Variants in CCSER1 observed in about 807,000 individuals in gnomAD.
CCSER1 encodes the protein serine-rich coiled-coil domain-containing protein 1.
CCSER1 carries 41 observed loss-of-function variants against 82.0 expected under a neutral mutation model. The ratio of observed to expected loss-of-function variants is 0.50; its 90% CI spans 0.39 to 0.65. The LOEUF is 0.65. Among genes scored for constraint, CCSER1 ranks in the 30% least tolerant of loss-of-function variants. The probability of loss-of-function intolerance (pLI) is 0.00; values close to 1 mark genes in which losing one functional copy is unlikely to be tolerated. For missense variants in CCSER1, 1,119 were observed against 1,064.2 expected (o/e 1.05, Z -0.72); for synonymous variants, 414 against 383.9 (o/e 1.08, Z -0.92).
intron 10 of CCSER1, among the ~76,000 whole-genome samples, chr4:91,210,458 A>G (rs1472983654): frequency 6.6e-6 from 1 of 151,600 alleles, no homozygotes; most frequent in African/African-American, 2.4e-5. Flanking sequence ...TACTATGAAG[A>G]AGTTAATTAA....
At chr4:90,230,799 A>G (rs1157279941) in intron 1 of CCSER1, among the ~76,000 whole-genome samples, 17 of 151,644 alleles carry the variant, frequency 1.1e-4, no homozygotes, top group African/African-American at 2.7e-4. Flanking sequence ...TATCACCACC[A>G]ATCCCACAGA....
At chr4:91,108,008 A>C (rs1725792826) in intron 10 of CCSER1, 1 of 152,216 alleles carries the variant, frequency 6.6e-6, no homozygotes, top group African/African-American at 2.4e-5. Context: ...ATCATTGAAA[A>C]GTTAGCTTCT....
At chr4:90,846,843 T>A (rs889634866) in intron 8 of CCSER1, among the ~76,000 whole-genome samples, 24 of 152,134 alleles carry the variant, frequency 1.6e-4, no homozygotes, top group Non-Finnish European at 2.1e-4. Flanking sequence ...GAGATGGGAT[T>A]TCACCATGTT....
intron 5 of CCSER1, among the ~76,000 whole-genome samples, chr4:90,567,183 A>G (rs1560731801): frequency 6.6e-6 from 1 of 151,744 alleles, no homozygotes; most frequent in African/African-American, 2.4e-5. Context: ...CTGATTTTCA[A>G]CATTTTGTGA....
At chr4:91,371,882 C>T (rs1750077098) in intron 10 of CCSER1, among the ~76,000 whole-genome samples, 1 of 151,884 alleles carries the variant, frequency 6.6e-6, no homozygotes, top group Non-Finnish European at 1.5e-5. Context: ...TTTCTGATCC[C>T]AAGACTTTAT....
intron 1 of CCSER1, among the ~76,000 whole-genome samples, chr4:90,304,902 C>T (rs566029234): frequency 2.2e-4 from 33 of 151,674 alleles, no homozygotes; most frequent in African/African-American, 7.7e-4. Flanking sequence ...CTTTCATTTA[C>T]TGTTGTTGTT....
intron 5 of CCSER1, among the ~76,000 whole-genome samples, chr4:90,551,704 C>CTATATA (rs1242206717): frequency 1.1e-3 from 118 of 107,560 alleles, no homozygotes; most frequent in African/African-American, 2.7e-3. Context: ...CTCTCTCTCT[C>CTATATA]TCTATATATA....
chr4:91,291,165 T>C (rs1743715660), intron 10 of CCSER1, among the ~76,000 whole-genome samples: 1 of 151,886 alleles, frequency 6.6e-6, no homozygotes, highest in Non-Finnish European at 1.5e-5. Flanking sequence ...GTTGGATCCT[T>C]CCTTATTAAA....
chr4:90,322,842 C>G (rs1478558273), intron 3 of CCSER1, among the ~76,000 whole-genome samples: 4 of 152,112 alleles, frequency 2.6e-5, no homozygotes, highest in Non-Finnish European at 5.9e-5. Flanking sequence ...CTTCCATTGC[C>G]ACCACAGCTG....
chr4:90,704,884 T>C (rs1257090964), intron 6 of CCSER1, among the ~76,000 whole-genome samples: 1 of 152,210 alleles, frequency 6.6e-6, no homozygotes, highest in Non-Finnish European at 1.5e-5. Flanking sequence ...TCTAATCTTT[T>C]TTCAAGGTTT....
chr4:91,010,778 C>A (rs1022926723), intron 9 of CCSER1, among the ~76,000 whole-genome samples: 1 of 133,582 alleles, frequency 7.5e-6, no homozygotes, highest in African/African-American at 2.5e-5. Context: ...TTTTTATATC[C>A]ATCTCTTTGC....
At chr4:91,111,078 A>G (rs1726057351) in intron 10 of CCSER1, among the ~76,000 whole-genome samples, 1 of 151,994 alleles carries the variant, frequency 6.6e-6, no homozygotes, top group African/African-American at 2.4e-5. Flanking sequence ...CCATTTTTAA[A>G]TGTGGTTGAA....
chr4:91,295,189 A>C (rs2149225636), intron 10 of CCSER1, among the ~76,000 whole-genome samples: 1 of 152,126 alleles, frequency 6.6e-6, no homozygotes, highest in East Asian at 1.9e-4. Context: ...ATATATGACC[A>C]ATACTACCTT....
At chr4:90,973,288 C>A (rs967998589) in intron 9 of CCSER1, among the ~76,000 whole-genome samples, 1 of 151,602 alleles carries the variant, frequency 6.6e-6, no homozygotes, top group East Asian at 1.9e-4. Flanking sequence ...GGGTGAATAT[C>A]TACAATATAT....
chr4:91,171,615 A>C (rs533587010), intron 10 of CCSER1, among the ~76,000 whole-genome samples: 1 of 152,270 alleles, frequency 6.6e-6, no homozygotes, highest in African/African-American at 2.4e-5. Flanking sequence ...ATAGTACCCC[A>C]GGCCTCACAT....
chr4:90,187,580 T>A (rs1230071689), intron 1 of CCSER1, among the ~76,000 whole-genome samples: 1 of 151,922 alleles, frequency 6.6e-6, no homozygotes, highest in Non-Finnish European at 1.5e-5. Flanking sequence ...CAGCGAAGAA[T>A]GCTTTCTAAA....
chr4:91,523,569 T>A (rs1433967205), intron 10 of CCSER1, among the ~76,000 whole-genome samples: 3 of 152,290 alleles, frequency 2.0e-5, no homozygotes, highest in Non-Finnish European at 2.9e-5. Flanking sequence ...ATTGGTCTAT[T>A]CAAGGATGCA....
At chr4:90,710,584 G>A (rs543007929) in intron 6 of CCSER1, among the ~76,000 whole-genome samples, 4 of 152,168 alleles carry the variant, frequency 2.6e-5, no homozygotes, top group African/African-American at 9.6e-5. Flanking sequence ...TATTAAGTAG[G>A]GAGTCCTTTC....
intron 5 of CCSER1, among the ~76,000 whole-genome samples, chr4:90,530,172 A>G (rs780929698): frequency 6.6e-6 from 1 of 152,188 alleles, no homozygotes; most frequent in Non-Finnish European, 1.5e-5. Flanking sequence ...GAATAGGGGT[A>G]TGGTCCCTTA....
Sources: allele counts gnomAD v4.1 joint callset (sites outside exome capture counted in the v4.1 genomes callset), GRCh38; gene constraint gnomAD v4.1.1; transcripts MANE v1.5; gene names NCBI Gene and HGNC (gene_info 2026-07-23, HGNC 2026-07-21).